The following SGMS1 variants were observed in gnomAD, a reference collection of about 807,000 sequenced individuals.
SGMS1 encodes phosphatidylcholine:ceramide cholinephosphotransferase 1.
In SGMS1, 13 loss-of-function variants were observed where a neutral mutation model predicts 46.2. That is an observed-to-expected ratio of 0.28 (90% CI 0.18 to 0.45). The LOEUF (loss-of-function observed/expected upper bound fraction) is 0.45, where lower values mean the gene tolerates loss of function less well. SGMS1 is among the 20% of genes least tolerant of loss of function. The pLI, the probability that SGMS1 is intolerant of heterozygous loss-of-function variation, is 1.00. For missense variants in SGMS1, 324 were observed against 519.9 expected, an observed-to-expected ratio of 0.62 and a Z score of 3.66; for synonymous variants, 203 against 187.8, an observed-to-expected ratio of 1.08 and a Z score of -0.66.
At chr10:50,322,283 C>T (rs1016169464) in intron 8 of SGMS1, among the ~76,000 whole-genome samples, 2 of 152,144 alleles carry the variant, frequency 1.3e-5, no homozygotes, top group Middle Eastern at 3.2e-3. Flanking sequence ...CAAAACACGC[C>T]CAAACATGCA....
At chr10:50,458,825 A>G (rs541431599) in intron 5 of SGMS1, among the ~76,000 whole-genome samples, 1 of 152,302 alleles carries the variant, frequency 6.6e-6, no homozygotes, top group East Asian at 1.9e-4. Context: ...ACATTCTAGA[A>G]GCCTAAATAT....
rs954631211 is a variant in SGMS1 at position 50,469,472 on chromosome 10, T to C, written c.-497-2540A>G. ...TTGATTTTTCAGTGGACATATGCCATGAAGATACAATGCAAAAAGTTCTTT... is the reference window on the plus strand; with the variant it reads ...TTGATTTTTCAGTGGACATATGCCACGAAGATACAATGCAAAAAGTTCTTT... On this transcript the variant is annotated intron_variant, in intron 3 of 10. Coordinates refer to ENST00000361781, the MANE Select transcript of SGMS1 (RefSeq NM_147156.4). 8.3e-4 allele frequency among the ~76,000 whole-genome samples: 126 copies of C among 152,114 alleles called. 1 individual carries two copies. Among genetic ancestry groups the C allele is most frequent in the Non-Finnish European group, 2.4e-4 (16 of 68,014 alleles).
chr10:50,592,055 T>A (rs1250941051), intron 1 of SGMS1, among the ~76,000 whole-genome samples: 1 of 152,202 alleles, frequency 6.6e-6, no homozygotes, highest in Non-Finnish European at 1.5e-5. Flanking sequence ...CTTCCTCACC[T>A]GAGGGCTGCA....
chr10:50,323,697 T>C (rs1456268539), intron 8 of SGMS1, among the ~76,000 whole-genome samples: 1 of 152,216 alleles, frequency 6.6e-6, no homozygotes, highest in Non-Finnish European at 1.5e-5. Context: ...TCTCATTTCC[T>C]CTATACCATG....
intron 1 of SGMS1, among the ~76,000 whole-genome samples, chr10:50,614,898 G>T (rs184990190): frequency 2.0e-5 from 3 of 152,228 alleles, no homozygotes; most frequent in Non-Finnish European, 4.4e-5. Context: ...CTCAAAAAAG[G>T]TATGATGACA....
At chr10:50,415,541 T>C (rs1161424110) in intron 6 of SGMS1, among the ~76,000 whole-genome samples, 1 of 152,056 alleles carries the variant, frequency 6.6e-6, no homozygotes, top group Non-Finnish European at 1.5e-5. Context: ...CTTAAGGAAG[T>C]GGGTAGGTGT....
At chr10:50,363,433 G>GA (rs764096928) in intron 6 of SGMS1, among the ~76,000 whole-genome samples, 2 of 152,198 alleles carry the variant, frequency 1.3e-5, no homozygotes, top group Non-Finnish European at 2.9e-5. Context: ...GAAATGGTGT[G>GA]AAAGTGGAGT....
At chr10:50,389,318 C>T (rs1352593493) in intron 6 of SGMS1, among the ~76,000 whole-genome samples, 3 of 152,120 alleles carry the variant, frequency 2.0e-5, no homozygotes, top group African/African-American at 7.2e-5. Flanking sequence ...ATAGTCATGG[C>T]TGTACTAATA....
At chr10:50,556,991 C>T (rs1375500725) in intron 2 of SGMS1, among the ~76,000 whole-genome samples, 1 of 152,144 alleles carries the variant, frequency 6.6e-6, no homozygotes, top group Non-Finnish European at 1.5e-5. Context: ...GTTCGATGTC[C>T]TGTCTGCCGC....
intron 6 of SGMS1, among the ~76,000 whole-genome samples, chr10:50,423,343 T>C (rs1447811013): frequency 1.3e-5 from 2 of 152,220 alleles, no homozygotes; most frequent in Non-Finnish European, 1.5e-5. Context: ...CCTTTCACAG[T>C]TGTAATTTTA....
In SGMS1 at chr10:50,613,387, C is replaced by T. The variant is rs190108854; in HGVS notation, c.-684+10320G>A. On this transcript the variant is annotated intron_variant, in intron 1 of 10. Transcript: ENST00000361781. ...AATCCCTCAAAGACCCAGACCCCAT[C>T]GCACTCATCTCTGTATCTCAAAGCT... Among the ~76,000 whole-genome samples the T allele has an allele frequency of 2.3e-3, 345 of 152,302 alleles. 1 individual carries two copies. The highest frequency in any genetic ancestry group is 6.8e-3 in the Middle Eastern group (2 of 294).
At chr10:50,397,001 C>T (rs972706441) in intron 6 of SGMS1, among the ~76,000 whole-genome samples, 6 of 151,976 alleles carry the variant, frequency 3.9e-5, no homozygotes, top group Admixed American at 3.3e-4. Flanking sequence ...TGTGAATATC[C>T]GTTGGTTGAT....
intron 1 of SGMS1, among the ~76,000 whole-genome samples, chr10:50,598,682 G>GGTTCTT (rs1251322931): frequency 6.6e-6 from 1 of 152,080 alleles, no homozygotes; most frequent in East Asian, 1.9e-4. Flanking sequence ...AAGAAGTACT[G>GGTTCTT]AGGGTCAAGG....
intron 2 of SGMS1, among the ~76,000 whole-genome samples, chr10:50,561,157 G>A (rs1316072928): frequency 6.6e-6 from 1 of 152,118 alleles, no homozygotes; most frequent in Non-Finnish European, 1.5e-5. Flanking sequence ...GTTGTGATAC[G>A]ACCTCAGGAA....
intron 2 of SGMS1, among the ~76,000 whole-genome samples, chr10:50,566,304 C>G (rs1412514407): frequency 2.6e-5 from 4 of 151,798 alleles, no homozygotes; most frequent in Admixed American, 2.6e-4. Flanking sequence ...AACCTTTAAC[C>G]TTTGTGTTTG....
intron 3 of SGMS1, among the ~76,000 whole-genome samples, chr10:50,503,948 G>C (rs755511750): frequency 5.3e-5 from 8 of 152,178 alleles, no homozygotes; most frequent in Non-Finnish European, 1.0e-4. Context: ...AAAAAATGAA[G>C]GCCAGGCTAG....
chr10:50,451,420 A>G, intron 5 of SGMS1, among the ~76,000 whole-genome samples: 1 of 152,214 alleles, frequency 6.6e-6, no homozygotes, highest in East Asian at 1.9e-4. Context: ...TCTGATCATT[A>G]AAACTTGAGC....
rs1847188856 is a variant in SGMS1, at chr10:50,306,972, T to A, written c.*170A>T. On this transcript the variant is annotated 3_prime_UTR_variant, in exon 11 of 11. Coordinates refer to ENST00000361781, the MANE Select transcript of SGMS1 (RefSeq NM_147156.4). ...TTTCTTTATTGTTGTCCAACGCAGG[T>A]CCTTTGGAGAGAAAAAAAGATCACA... 1.6e-6 allele frequency: 1 copy of A among 630,786 alleles called. No individual in the cohort carries two copies. The allele number at this position is 630,786 out of a possible 1,614,324, so 39.1% of individuals were successfully genotyped here. A position where few individuals can be genotyped will look rare whatever the true frequency, so the allele number is the denominator to read the frequency against.
At chr10:50,573,702 T>C (rs1838355497) in intron 2 of SGMS1, among the ~76,000 whole-genome samples, 1 of 151,930 alleles carries the variant, frequency 6.6e-6, no homozygotes, top group Non-Finnish European at 1.5e-5. Flanking sequence ...AGGCCCCAAA[T>C]AGTCAAAAGA....
Sources: gnomAD v4.1 joint callset for allele counts (sites outside exome capture counted in the v4.1 genomes callset) on GRCh38, gnomAD v4.1.1 for gene constraint, MANE v1.5 for transcripts, NCBI Gene and HGNC (gene_info 2026-07-23, HGNC 2026-07-21) for gene names.